The following NRG1 variants were observed in gnomAD, a reference collection of about 807,000 sequenced individuals.
NRG1 encodes the protein pro-neuregulin-1, membrane-bound isoform.
A neutral mutation model predicts 63.8 loss-of-function variants in NRG1; 18 were observed. The observed-to-expected ratio is 0.28, with a 90% CI of 0.19 to 0.42. NRG1 has a LOEUF of 0.42. Ranked by LOEUF, NRG1 falls within the 10% of genes least tolerant of loss-of-function variation. NRG1 has a pLI of 1.00. For synonymous variants in NRG1, 302 were observed against 301.3 expected (o/e 1.00, Z -0.02); for missense variants, 762 against 814.7 (o/e 0.94, Z 0.79).
rs537134122 is a variant in NRG1, at chr8:32,247,762, A to G, written c.38-348066A>G. On this transcript the variant is annotated intron_variant, in intron 1 of 10. Transcript: ENST00000519301. The stretch of plus-strand genomic sequence containing the variant: ...TTCAAAAGGGAGAAGACTTTATTAA[A>G]TAAGCAAGGACGTGATAAACTCAAT... 1.4e-3 allele frequency among the ~76,000 whole-genome samples: 219 copies of G among 152,304 alleles called. 1 individual carries two copies. The highest frequency in any genetic ancestry group is 4.9e-3 in the African/African-American group (203 of 41,588).
At chr8:32,157,141 C>T (rs866917236) in intron 1 of NRG1, among the ~76,000 whole-genome samples, 8 of 150,530 alleles carry the variant, frequency 5.3e-5, no homozygotes, top group South Asian at 2.1e-4. Flanking sequence ...GAAGCCAAGG[C>T]GGGCGGATCA....
intron 1 of NRG1, among the ~76,000 whole-genome samples, chr8:32,004,752 T>G (rs1398146768): frequency 2.6e-5 from 4 of 151,380 alleles, no homozygotes; most frequent in African/African-American, 9.7e-5. Context: ...CACAAAACAA[T>G]CCAGACTAAC....
rs374708660 is a variant in NRG1 at position 32,066,541 on chromosome 8, G to A, written c.37+427110G>A. ...CTGAGGGCTCTGTTCTGTTCCATTG[G>A]TCTATATCTCTGTTTTGGTACCAGT... On this transcript the variant is annotated intron_variant, in intron 1 of 10. Transcript: ENST00000519301. 1.4e-4 allele frequency among the ~76,000 whole-genome samples: 22 copies of A among 152,072 alleles called. No individual in the cohort carries two copies. In the South Asian group the frequency reaches 3.7e-3, roughly 26 times the overall value.
intron 11 of NRG1, chr8:32,763,276 A>G (rs891989638): frequency 6.2e-7 from 1 of 1,614,062 alleles, no homozygotes. Context: ...ATGCATGCAG[A>G]TCCAGCTATC....
intron 1 of NRG1, among the ~76,000 whole-genome samples, chr8:32,439,732 G>A (rs1047545092): frequency 1.3e-5 from 2 of 150,276 alleles, no homozygotes; most frequent in African/African-American, 4.9e-5. Flanking sequence ...CTACCCTAGA[G>A]CAAAAATTAT....
intron 1 of NRG1, among the ~76,000 whole-genome samples, chr8:31,695,349 T>G (rs2131154654): frequency 6.6e-6 from 1 of 152,304 alleles, no homozygotes; most frequent in African/African-American, 2.4e-5. Flanking sequence ...TTTATATTTT[T>G]AGTAAATACG....
intron 1 of NRG1, among the ~76,000 whole-genome samples, chr8:31,911,224 C>G (rs984751977): frequency 3.3e-5 from 5 of 152,124 alleles, no homozygotes; most frequent in African/African-American, 1.2e-4. Context: ...CCCAGCAATC[C>G]TAAACTTGTA....
intron 1 of NRG1, among the ~76,000 whole-genome samples, chr8:32,536,739 G>A (rs1275994928): frequency 6.6e-6 from 1 of 151,516 alleles, no homozygotes; most frequent in Non-Finnish European, 1.5e-5. Context: ...TGGCTAACAC[G>A]GTGAAACCCC....
chr8:31,884,877 A>T (rs999593798), intron 1 of NRG1, among the ~76,000 whole-genome samples: 5 of 152,132 alleles, frequency 3.3e-5, no homozygotes, highest in African/African-American at 1.2e-4. Context: ...TACAGCAAGA[A>T]TTGCTAAAAG....
intron 1 of NRG1, among the ~76,000 whole-genome samples, chr8:32,058,799 C>T (rs1056659315): frequency 6.6e-6 from 1 of 151,962 alleles, no homozygotes; most frequent in African/African-American, 2.4e-5. Context: ...GTTCTGATGA[C>T]TTGCAATATT....
intron 1 of NRG1, among the ~76,000 whole-genome samples, chr8:32,455,113 C>G (rs1007678469): frequency 2.0e-5 from 3 of 152,134 alleles, no homozygotes; most frequent in African/African-American, 7.2e-5. Flanking sequence ...CCTACTGACA[C>G]ATTTCTCAGA....
chr8:32,066,512 A>C (rs1385023056), intron 1 of NRG1, among the ~76,000 whole-genome samples: 1 of 151,950 alleles, frequency 6.6e-6, no homozygotes, highest in East Asian at 1.9e-4. Context: ...ATGCAGCATT[A>C]TTTCTGAGGG....
At chr8:31,685,483 G>T (rs184867745) in intron 1 of NRG1, among the ~76,000 whole-genome samples, 3 of 152,068 alleles carry the variant, frequency 2.0e-5, no homozygotes, top group African/African-American at 7.2e-5. Flanking sequence ...TTTTTAAGTG[G>T]CAGTTTAAAC....
intron 1 of NRG1, among the ~76,000 whole-genome samples, chr8:32,500,740 A>G (rs1195005365): frequency 6.6e-6 from 1 of 152,240 alleles, no homozygotes; most frequent in Non-Finnish European, 1.5e-5. Context: ...AATCTATTAA[A>G]TTATTGTGAA....
chr8:32,488,793 C>T (rs1249930971), intron 1 of NRG1, among the ~76,000 whole-genome samples: 1 of 152,130 alleles, frequency 6.6e-6, no homozygotes, highest in East Asian at 1.9e-4. Flanking sequence ...GCACAGAAAT[C>T]TGTAGCATCT....
intron 1 of NRG1, among the ~76,000 whole-genome samples, chr8:31,816,954 C>T (rs924938889): frequency 6.6e-6 from 1 of 152,116 alleles, no homozygotes; most frequent in Non-Finnish European, 1.5e-5. Flanking sequence ...AGGCTATACA[C>T]ATATTTTTAA....
downstream of NRG1, among the ~76,000 whole-genome samples, chr8:32,768,714 C>A (rs908397696): frequency 6.6e-6 from 1 of 152,188 alleles, no homozygotes; most frequent in East Asian, 1.9e-4. Flanking sequence ...TGGTACCCTT[C>A]ATATATTCCA....
chr8:31,931,523 T>A (rs1834861955), intron 1 of NRG1, among the ~76,000 whole-genome samples: 1 of 152,168 alleles, frequency 6.6e-6, no homozygotes, highest in Non-Finnish European at 1.5e-5. Context: ...AAGTACCTTA[T>A]CGTTTTGCTG....
chr8:32,479,733 C>A (rs1286442890), intron 1 of NRG1, among the ~76,000 whole-genome samples: 3 of 151,922 alleles, frequency 2.0e-5, no homozygotes, highest in Admixed American at 1.3e-4. Flanking sequence ...CACTGCAATC[C>A]CTGCCTCCTG....
Sources: gnomAD v4.1 joint callset for allele counts (sites outside exome capture counted in the v4.1 genomes callset) on GRCh38, gnomAD v4.1.1 for gene constraint, MANE v1.5 for transcripts, NCBI Gene and HGNC (gene_info 2026-07-23, HGNC 2026-07-21) for gene names.